GSE1: variants seen among roughly 807,000 people sequenced by gnomAD.
The protein encoded by GSE1 is genetic suppressor element 1.
GSE1 carries 32 observed loss-of-function variants against 112.6 expected under a neutral mutation model. The ratio of observed to expected loss-of-function variants is 0.28; its 90% CI spans 0.21 to 0.38. The LOEUF (loss-of-function observed/expected upper bound fraction) is 0.38. Ranked by LOEUF, GSE1 falls within the 10% of genes least tolerant of loss-of-function variation. The pLI, the probability that GSE1 is intolerant of heterozygous loss-of-function variation, is 1.00. For missense variants in GSE1, 2,348 were observed against 1,699.2 expected (o/e 1.38, Z -6.71); for synonymous variants, 1,115 against 735.6 (o/e 1.52, Z -8.35).
At chr16:85,503,537 C>G (rs1037331007) in intron 2 of GSE1, among the ~76,000 whole-genome samples, 1 of 152,166 alleles carries the variant, frequency 6.6e-6, no homozygotes, top group Non-Finnish European at 1.5e-5. Flanking sequence ...TCTGGCCCTG[C>G]TGGTAATTAC....
At chr16:85,191,787 G>A (rs1215757957) in intron 1 of GSE1, among the ~76,000 whole-genome samples, 1 of 152,152 alleles carries the variant, frequency 6.6e-6, no homozygotes, top group African/African-American at 2.4e-5. Context: ...TTGTGCTGAT[G>A]CAACACGTAT....
chr16:85,256,184 G>A (rs939327253), intron 1 of GSE1, among the ~76,000 whole-genome samples: 10 of 152,084 alleles, frequency 6.6e-5, no homozygotes, highest in East Asian at 1.9e-4. Flanking sequence ...CTCTTCCCTC[G>A]GCAGGCAGAC....
intron 2 of GSE1, among the ~76,000 whole-genome samples, chr16:85,503,594 A>G (rs916882176): frequency 3.3e-5 from 5 of 152,152 alleles, no homozygotes; most frequent in African/African-American, 1.2e-4. Context: ...TAAACACCGC[A>G]GCGACCCAAA....
Position 85,327,892 on chromosome 16 carries a change from C to G in GSE1, c.2284-29571C>G, listed in dbSNP as rs546422708. Among the ~76,000 whole-genome samples, 3 of 152,298 alleles carry G rather than the reference C, an allele frequency of 2.0e-5. No homozygotes were observed. The South Asian group carries it at 6.2e-4, about 32-fold the overall frequency. On this transcript the variant is annotated intron_variant, in intron 1 of 2. Transcript: ENST00000637419. ...GCTATTTGGGAGGATGTTGTCTTTC[C>G]TCCTTGATACCACATTCCTGGAGTA...
chr16:85,396,177 T>G (rs1466633987), intron 2 of GSE1, among the ~76,000 whole-genome samples: 1 of 152,142 alleles, frequency 6.6e-6, no homozygotes, highest in Non-Finnish European at 1.5e-5. Flanking sequence ...AGGCCCGTCC[T>G]TCCTTGCCCC....
intron 2 of GSE1, among the ~76,000 whole-genome samples, chr16:85,530,409 T>C (rs1685192461): frequency 6.6e-6 from 1 of 152,162 alleles, no homozygotes; most frequent in Admixed American, 6.5e-5. Flanking sequence ...TATAGGATAC[T>C]TTGGGGATGT....
chr16:85,329,586 T>TG (rs1475813816), intron 1 of GSE1, among the ~76,000 whole-genome samples: 1 of 151,736 alleles, frequency 6.6e-6, no homozygotes, highest in African/African-American at 2.4e-5. Flanking sequence ...AACAAGCCCC[T>TG]GGGGGGCTGC....
chr16:85,267,544 C>T (rs763922355), intron 1 of GSE1, among the ~76,000 whole-genome samples: 7 of 152,128 alleles, frequency 4.6e-5, no homozygotes, highest in Non-Finnish European at 8.8e-5. Context: ...GCTCCTTAGC[C>T]ACCCCCTGCG....
intron 1 of GSE1, chr16:85,595,052 A>T (rs1353342511): frequency 6.6e-6 from 1 of 152,280 alleles, no homozygotes; most frequent in Admixed American, 6.5e-5. Context: ...GTCTCTGTTG[A>T]GTTCGGACTG....
At chr16:85,494,579 A>G (rs1345837290) in intron 2 of GSE1, among the ~76,000 whole-genome samples, 1 of 149,948 alleles carries the variant, frequency 6.7e-6, no homozygotes, top group Non-Finnish European at 1.5e-5. Context: ...AATTTTTTGT[A>G]TTTTTGTAGA....
chr16:85,494,920 G>A (rs771792995), intron 2 of GSE1, among the ~76,000 whole-genome samples: 10 of 150,982 alleles, frequency 6.6e-5, no homozygotes, highest in African/African-American at 1.2e-4. Flanking sequence ...TGCCTCTGCC[G>A]GTGCAGGCTT....
At chr16:85,222,240 G>A (rs2075406908) in intron 1 of GSE1, among the ~76,000 whole-genome samples, 1 of 152,170 alleles carries the variant, frequency 6.6e-6, no homozygotes. Context: ...CCTGAGCGGG[G>A]CCCACCAGAC....
rs190645034 is a variant in GSE1 at position 85,451,064 on chromosome 16, A to G, written c.2464+93421A>G. ...ACTCAAGCCTGGGTGACAAGAGCAA[A>G]ACGCCATCTCAAAAAAAAAAAAAAA... On this transcript the variant is annotated intron_variant, in intron 2 of 2. Coordinates refer to the GSE1 transcript ENST00000637419. 3.6e-3 allele frequency among the ~76,000 whole-genome samples: 485 copies of G among 135,742 alleles called. 2 individuals carry two copies. Among genetic ancestry groups the G allele is most frequent in the African/African-American group, 0.013 (450 of 34,822 alleles). The allele number at this position is 135,742 out of a possible 152,430, so 89.1% of individuals were successfully genotyped here. A position where few individuals can be genotyped will look rare whatever the true frequency, so the allele number is the denominator to read the frequency against.
chr16:85,371,997 A>C (rs900758), intron 2 of GSE1, among the ~76,000 whole-genome samples: 1 of 152,152 alleles, frequency 6.6e-6, no homozygotes, highest in African/African-American at 2.4e-5. Flanking sequence ...CCGCCTCTGC[A>C]GAGCTTCCAG....
chr16:85,566,963 C>G (rs2045776652), intron 1 of GSE1, among the ~76,000 whole-genome samples: 1 of 152,200 alleles, frequency 6.6e-6, no homozygotes, highest in African/African-American at 2.4e-5. Flanking sequence ...CTCCAAGAAC[C>G]TGTGTCACTG....
chr16:85,452,859 G>T (rs923829586), intron 2 of GSE1, among the ~76,000 whole-genome samples: 1 of 152,252 alleles, frequency 6.6e-6, no homozygotes, highest in Admixed American at 6.5e-5. Flanking sequence ...CCTCTGCCAG[G>T]CGCTGGGCTA....
At chr16:85,454,625 G>A (rs1038012032) in intron 2 of GSE1, among the ~76,000 whole-genome samples, 3 of 152,256 alleles carry the variant, frequency 2.0e-5, no homozygotes, top group Non-Finnish European at 4.4e-5. Context: ...CCAAAGTCAA[G>A]GTGTCGGCAG....
intron 2 of GSE1, among the ~76,000 whole-genome samples, chr16:85,509,539 C>T (rs1173671950): frequency 1.3e-5 from 2 of 152,246 alleles, no homozygotes; most frequent in African/African-American, 4.8e-5. Flanking sequence ...TGGCCAGCGA[C>T]CCCTGGCCCT....
chr16:85,511,339 C>T (rs958645757), intron 2 of GSE1, among the ~76,000 whole-genome samples: 1 of 152,158 alleles, frequency 6.6e-6, no homozygotes, highest in African/African-American at 2.4e-5. Context: ...CCAGCCCGAC[C>T]AACATGGAGA....
Sources: gnomAD v4.1 joint callset for allele counts (sites outside exome capture counted in the v4.1 genomes callset) on GRCh38, gnomAD v4.1.1 for gene constraint, MANE v1.5 for transcripts, NCBI Gene and HGNC (gene_info 2026-07-23, HGNC 2026-07-21) for gene names.